Variants in UGT1A10 observed in about 807,000 individuals in gnomAD.
UGT1A10 encodes the protein UDP-glucuronosyltransferase 1A10.
UGT1A10 carries 49 observed loss-of-function variants against 45.8 expected under a neutral mutation model. The ratio of observed to expected loss-of-function variants is 1.07; its 90% CI spans 0.85 to 1.36. UGT1A10 has a LOEUF of 1.36. Among genes scored for constraint, UGT1A10 ranks in the 40% most tolerant of loss-of-function variants. UGT1A10 has a pLI of 0.00. For synonymous variants in UGT1A10, 284 were observed against 249.7 expected (o/e 1.14, Z -1.29); for missense variants, 745 against 668.6 (o/e 1.11, Z -1.26).
At chr2:233,682,483 G>A (rs1462405712) in intron 1 of UGT1A10, 2 of 1,613,920 alleles carry the variant, frequency 1.2e-6, no homozygotes, top group South Asian at 1.1e-5. Context: ...AAGGTGCACA[G>A]TGCCCTGCTC....
chr2:233,759,150 A>G (rs1697070072), intron 1 of UGT1A10, among the ~76,000 whole-genome samples: 1 of 152,238 alleles, frequency 6.6e-6, no homozygotes. Flanking sequence ...GGTGAGTTCC[A>G]CAGAACACAA....
At chr2:233,666,602 T>G (rs2074080067) in intron 1 of UGT1A10, among the ~76,000 whole-genome samples, 1 of 152,202 alleles carries the variant, frequency 6.6e-6, no homozygotes, top group African/African-American at 2.4e-5. Context: ...TGTAGATGTT[T>G]TTTTTAAAGT....
intron 1 of UGT1A10, among the ~76,000 whole-genome samples, chr2:233,679,169 G>A (rs1205832455): frequency 6.6e-5 from 10 of 152,164 alleles, no homozygotes; most frequent in African/African-American, 2.2e-4. Flanking sequence ...TTGGAAGCAC[G>A]TAGACCATTT....
chr2:233,715,509 C>G (rs991063274), intron 1 of UGT1A10, among the ~76,000 whole-genome samples: 3 of 152,138 alleles, frequency 2.0e-5, no homozygotes, highest in African/African-American at 7.2e-5. Context: ...GGGTAGCTCA[C>G]ACCTGTAATT....
intron 1 of UGT1A10, chr2:233,729,638 T>G (rs2077898670): frequency 6.2e-7 from 1 of 1,613,806 alleles, no homozygotes; most frequent in Admixed American, 1.7e-5. Context: ...CCTACTGTGT[T>G]TTTTTTGAGG....
At chr2:233,753,836 T>C (rs1228846526) in intron 1 of UGT1A10, among the ~76,000 whole-genome samples, 5 of 152,234 alleles carry the variant, frequency 3.3e-5, no homozygotes, top group African/African-American at 1.2e-4. Context: ...AAGACAGTCC[T>C]AGTATATCAT....
intron 1 of UGT1A10, among the ~76,000 whole-genome samples, chr2:233,737,298 C>T (rs370830407): frequency 3.9e-5 from 6 of 152,366 alleles, no homozygotes; most frequent in South Asian, 4.1e-4. Context: ...TGCCGCCTCA[C>T]AGTTCAATCT....
At chr2:233,683,140 G>T (rs2074619187) in intron 1 of UGT1A10, among the ~76,000 whole-genome samples, 1 of 151,960 alleles carries the variant, frequency 6.6e-6, no homozygotes, top group South Asian at 2.1e-4. Context: ...AGTTTTGTGT[G>T]AATTGTTTTC....
intron 1 of UGT1A10, among the ~76,000 whole-genome samples, chr2:233,730,279 A>G (rs1016900889): frequency 6.6e-6 from 1 of 152,176 alleles, no homozygotes; most frequent in Non-Finnish European, 1.5e-5. Flanking sequence ...TAAAGGCACC[A>G]TCTTCATGGT....
At chr2:233,718,110 C>T (rs537602029) in intron 1 of UGT1A10, 2 of 309,390 alleles carry the variant, frequency 6.5e-6, no homozygotes, top group Admixed American at 7.6e-5. Context: ...ACAGCAGCAC[C>T]TCTTATTCCA....
intron 1 of UGT1A10, among the ~76,000 whole-genome samples, chr2:233,640,208 C>T (rs1430465081): frequency 1.3e-5 from 2 of 152,144 alleles, no homozygotes; most frequent in Admixed American, 6.5e-5. Flanking sequence ...AGTTTTCAAA[C>T]ATACAAAATG....
intron 1 of UGT1A10, among the ~76,000 whole-genome samples, chr2:233,695,570 C>A (rs1024150406): frequency 6.6e-6 from 1 of 151,936 alleles, no homozygotes; most frequent in Non-Finnish European, 1.5e-5. Flanking sequence ...TTTCACCCCC[C>A]CTTCCCTACT....
chr2:233,737,988 G>A (rs1334321954), intron 1 of UGT1A10, among the ~76,000 whole-genome samples: 1 of 152,024 alleles, frequency 6.6e-6, no homozygotes, highest in African/African-American at 2.4e-5. Context: ...GTTTGGCTCT[G>A]TGTCCCCCAC....
At chr2:233,748,671 T>A (rs1418795120) in intron 1 of UGT1A10, among the ~76,000 whole-genome samples, 1 of 151,594 alleles carries the variant, frequency 6.6e-6, no homozygotes, top group Non-Finnish European at 1.5e-5. Flanking sequence ...CAGAGAGGGA[T>A]CTGTGCTGAC....
intron 1 of UGT1A10, among the ~76,000 whole-genome samples, chr2:233,751,879 G>A (rs1331680632): frequency 6.6e-6 from 1 of 152,148 alleles, no homozygotes; most frequent in Non-Finnish European, 1.5e-5. Context: ...CCCGTCTTGG[G>A]TATGTCTTTA....
rs567256454 is a variant in UGT1A10 at position 233,740,487 on chromosome 2, A to G, written c.856-26547A>G. Among the ~76,000 whole-genome samples the G allele has an allele frequency of 3.4e-4, 52 of 152,072 alleles. 1 individual carries two copies. In the South Asian group the frequency reaches 4.6e-3, roughly 13 times the overall value. The stretch of plus-strand genomic sequence containing the variant: ...GACAGAAAGGATCATTCCCTCTTCC[A>G]GATGCTTTCCAGTGTGTGATGTAAG... On this transcript the variant is annotated intron_variant, in intron 1 of 4. Transcript: ENST00000344644.
intron 1 of UGT1A10, chr2:233,730,081 C>G: frequency 1.2e-6 from 2 of 1,603,798 alleles, no homozygotes; most frequent in Non-Finnish European, 8.5e-7. Context: ...TCCATATTTA[C>G]TTATCTTTCC....
intron 1 of UGT1A10, chr2:233,693,705 C>A: frequency 1.9e-6 from 3 of 1,614,214 alleles, no homozygotes; most frequent in Non-Finnish European, 2.5e-6. Flanking sequence ...GAACTCGCAT[C>A]AGCTGTCCTC....
chr2:233,705,342 G>A (rs2075842157), intron 1 of UGT1A10, among the ~76,000 whole-genome samples: 1 of 152,060 alleles, frequency 6.6e-6, no homozygotes, highest in Non-Finnish European at 1.5e-5. Flanking sequence ...CTCAATTTTT[G>A]TCTTATTACA....
Sources: allele counts gnomAD v4.1 joint callset (sites outside exome capture counted in the v4.1 genomes callset), GRCh38; gene constraint gnomAD v4.1.1; transcripts MANE v1.5; gene names NCBI Gene and HGNC (gene_info 2026-07-23, HGNC 2026-07-21).